IRF1: variants seen among roughly 807,000 people sequenced by gnomAD.
IRF1 encodes interferon regulatory factor 1, also known as interferon regulatory factor-1.
Under a neutral mutation model 43.7 loss-of-function variants are expected in IRF1, and 13 were observed. The ratio of observed to expected loss-of-function variants is 0.30; its 90% CI spans 0.19 to 0.47. The LOEUF (loss-of-function observed/expected upper bound fraction) is 0.47. IRF1 is among the 20% of genes least tolerant of loss of function. The pLI is 0.99. For synonymous variants in IRF1, 138 were observed against 146.8 expected, an observed-to-expected ratio of 0.94 and a Z score of 0.43; for missense variants, 236 against 408.9, an observed-to-expected ratio of 0.58 and a Z score of 3.65.
chr5:132,485,645 C>T, intron 8 of IRF1, 22 bp downstream of exon 8: 4 of 1,586,642 alleles, frequency 2.5e-6, no homozygotes, highest in Non-Finnish European at 3.5e-6. Flanking sequence ...TTCAAGAGTG[C>T]CCAGGTAGGA....
chr5:132,487,850 A>C, intron 3 of IRF1, 76 bp downstream of exon 3: 30 of 953,722 alleles, frequency 3.1e-5, no homozygotes, highest in Non-Finnish European at 4.9e-5. Flanking sequence ...ACCCCAGTGA[A>C]GAGCCTCTGT....
chr5:132,486,821 C>G lies in IRF1; in HGVS notation c.388G>C (p.Asp130His). The G allele has an allele frequency of 6.2e-7, 1 of 1,614,240 alleles. No homozygotes were observed. Among genetic ancestry groups the G allele is most frequent in the Non-Finnish European group, 8.5e-7 (1 of 1,180,040 alleles). Residue 130 changes from aspartate to histidine, a missense_variant, in exon 5 of 10, where the codon GAT becomes CAT. By Grantham distance (81) the Asp-to-His change is moderately conservative (BLOSUM62 -1). This residue lies in a region of IRF1 where 170 missense variants were observed against 251.8 expected (regional missense o/e 0.68). Coordinates refer to ENST00000245414, the MANE Select transcript of IRF1 (RefSeq NM_002198.3). ...TTCCTCTTGGCCTTGCTCTTAGCAT[C>G]TCGGCTGGACTTCGACTTTCTTTCT... ...RKERKSKSSR[D>H]AKSKAKRKSC...
rs975999136 is a variant in IRF1 at position 132,483,575 on chromosome 5, G to T, written c.*376C>A. 1.0e-5 allele frequency: 2 copies of T among 199,124 alleles called. No individual in the cohort carries two copies. The highest frequency in any genetic ancestry group is 2.6e-4 in the East Asian group (2 of 7,624). The allele number at this position is 199,124 out of a possible 1,614,324, so 12.3% of individuals were successfully genotyped here. A position where few individuals can be genotyped will look rare whatever the true frequency, so the allele number is the denominator to read the frequency against. ...TAGTGCAGAGCCAGCCCTGGGATTG[G>T]TGTTATGCTTTTCTGGGGTCACTGG... On this transcript the variant is annotated 3_prime_UTR_variant, in exon 10 of 10. Coordinates refer to ENST00000245414, the MANE Select transcript of IRF1 (RefSeq NM_002198.3).
rs17848431 is a variant in IRF1 at position 132,483,442 on chromosome 5, A to T, written c.*509T>A. ...TGAGGCTGAGGGAGCATCGCCCCGAAGGACCCCACTTTCCTTCACATTTCA... is the reference window on the plus strand; with the variant it reads ...TGAGGCTGAGGGAGCATCGCCCCGATGGACCCCACTTTCCTTCACATTTCA... On this transcript the variant is annotated 3_prime_UTR_variant, in exon 10 of 10. Coordinates refer to ENST00000245414, the MANE Select transcript of IRF1 (RefSeq NM_002198.3). The T allele has an allele frequency of 3.9e-5, 6 of 153,748 alleles. No individual in the cohort carries two copies. Among genetic ancestry groups the T allele is most frequent in the African/African-American group, 1.4e-4 (6 of 41,478 alleles). 9.5% of individuals were successfully genotyped at this position (153,748 alleles called of 1,614,324 possible).
At chr5:132,488,187 G>C (rs957334749) in intron 2 of IRF1, 162 bp from the exon 3 acceptor site, 1 of 611,828 alleles carries the variant, frequency 1.6e-6, no homozygotes, top group Non-Finnish European at 2.9e-6. Flanking sequence ...CTTGAGGCTG[G>C]CTTAAACAGA....
intron 8 of IRF1, 100 bp from the exon 9 acceptor site, chr5:132,484,597 C>G: frequency 6.8e-7 from 1 of 1,463,680 alleles, no homozygotes; most frequent in East Asian, 2.3e-5. Context: ...CAGTATCACA[C>G]CCTTGGCCAT....
intron 2 of IRF1, chr5:132,489,115 GAGC>G (rs1754631319): frequency 2.6e-6 from 1 of 388,476 alleles, no homozygotes; most frequent in African/African-American, 2.0e-5. Flanking sequence ...GCTTAGAGGA[GAGC>G]AGAACTCCAG....
chr5:132,485,828 GACACAC>G, intron 7 of IRF1, 112 bp from the exon 8 acceptor site: 3 of 555,548 alleles, frequency 5.4e-6, no homozygotes, highest in Non-Finnish European at 9.8e-6. Flanking sequence ...CTGTCTCTCT[GACACAC>G]ACACACACAC....
Position 132,486,674 on chromosome 5 carries a change from A to C in IRF1, c.427T>G (p.Ser143Ala). 1 of 1,614,024 alleles carries C rather than the reference A, an allele frequency of 6.2e-7. No individual in the cohort carries two copies. The highest frequency in any genetic ancestry group is 8.5e-7 in the Non-Finnish European group (1 of 1,179,900). ...SKAKRKSCGD[S>A]SPDTFSDGLS... is the part of the protein sequence containing the mutation. The stretch of plus-strand genomic sequence containing the variant: ...CCATCAGAGAAGGTATCAGGGCTGG[A>C]ATCCCCACATGACTGTCGAGGGAGA... Residue 143 changes from serine (S) to alanine (A), a missense_variant, in exon 6 of 10, where the codon TCC becomes GCC. Ser to Ala is a moderately conservative substitution (Grantham distance 99). Around this residue, in one of 2 missense-constraint regions of IRF1, gnomAD observed 170 missense variants for 251.8 expected, o/e 0.68. Coordinates refer to ENST00000245414, the MANE Select transcript of IRF1 (RefSeq NM_002198.3).
chr5:132,487,945 C>T lies in IRF1; in HGVS notation c.168G>A (p.Arg56=). ...WDINKDACLF[R]SWAIHTGRYK... ...ACACACCTGTGTGAATGGCCCAGCT[C>T]CGGAACAAACAGGCATCCTTGTTGA... The change falls in exon 3 of 10, where the codon CGG becomes CGA. Residue 56 remains arginine, a synonymous_variant. Coordinates refer to ENST00000245414, the MANE Select transcript of IRF1 (RefSeq NM_002198.3). 1.9e-6 allele frequency: 3 copies of T among 1,613,558 alleles called. No homozygotes were observed. Among genetic ancestry groups the T allele is most frequent in the South Asian group, 1.1e-5 (1 of 91,088 alleles).
intron 2 of IRF1, 21 bp from the exon 3 acceptor site, chr5:132,488,046 C>CATAA (rs1394515793): frequency 1.3e-6 from 2 of 1,552,310 alleles, no homozygotes; most frequent in Non-Finnish European, 1.8e-6. Context: ...CACACATACA[C>CATAA]ATAAGGCTGT....
rs747666982 is a variant in IRF1 at position 132,486,549 on chromosome 5, C to A, written c.544+8G>T. 1.9e-6 allele frequency: 3 copies of A among 1,613,824 alleles called. No homozygotes were observed. The highest frequency in any genetic ancestry group is 2.5e-6 in the Non-Finnish European group (3 of 1,179,948). Reference sequence around the variant, plus strand: ...GTGGGGTCTCCTGCCAGACCTGGACCAGCTCACCTGGAGTCAGGGCCTGCT... The same window carrying A: ...GTGGGGTCTCCTGCCAGACCTGGACAAGCTCACCTGGAGTCAGGGCCTGCT... On this transcript the variant is annotated splice_region_variant and intron_variant, in intron 6 of 9. Transcript: ENST00000245414.
intron 8 of IRF1, chr5:132,485,447 C>CT: frequency 1.7e-6 from 1 of 587,770 alleles, no homozygotes; most frequent in Non-Finnish European, 3.1e-6. Context: ...CCAAGGCTTG[C>CT]TTCAGGACGG....
rs111906639 is a variant in IRF1 at position 132,485,849 on chromosome 5, A to ACACACACACACACACACACACACACAC, written c.668-134_668-133insGTGTGTGTGTGTGTGTGTGTGTGTGTG. ...CTCTGACACACACACACACACACAC[A>ACACACACACACACACACACACACACAC]CCCTCCCGGTGGACCTATCTGCCAT... On this transcript the variant is annotated intron_variant, in intron 7 of 9. Coordinates refer to ENST00000245414, the MANE Select transcript of IRF1 (RefSeq NM_002198.3). 434 of 669,890 alleles carry ACACACACACACACACACACACACACAC rather than the reference A, an allele frequency of 6.5e-4. 7 individuals are homozygous for ACACACACACACACACACACACACACAC. In the African/African-American group the frequency reaches 7.0e-3, roughly 11 times the overall value. The allele number at this position is 669,890 out of a possible 1,614,324, so 41.5% of individuals were successfully genotyped here. A position where few individuals can be genotyped will look rare whatever the true frequency, so the allele number is the denominator to read the frequency against.
chr5:132,485,928 G>A (rs1416527842), intron 7 of IRF1: 1 of 606,084 alleles, frequency 1.6e-6, no homozygotes, highest in Admixed American at 2.8e-5. Flanking sequence ...AAACCCTGAA[G>A]CCACGCCGCT....
rs760419085 is a variant in IRF1 at position 132,487,165 on chromosome 5, C to T, written c.188-35G>A. 1.2e-5 allele frequency: 19 copies of T among 1,605,648 alleles called. No homozygotes were observed. In the South Asian group the frequency reaches 1.8e-4, roughly 15 times the overall value. ...AGGAGAAAAAAGAGGATCGTCAGGGCCATGGGTAGGGATCCTCAGCTGCCC... is the reference window on the plus strand; with the variant it reads ...AGGAGAAAAAAGAGGATCGTCAGGGTCATGGGTAGGGATCCTCAGCTGCCC... On this transcript the variant is annotated intron_variant, in intron 3 of 9. Coordinates refer to ENST00000245414, the MANE Select transcript of IRF1 (RefSeq NM_002198.3).
rs1411359268 is a variant in IRF1, at chr5:132,481,692, A to G, written c.*2259T>C. The stretch of plus-strand genomic sequence containing the variant: ...GCCACATTTCAAGTGCTTAGCTGGC[A>G]CATGTGGCTAGTGCCAGTGCCTACT... On this transcript the variant is annotated 3_prime_UTR_variant, in exon 10 of 10. Coordinates refer to ENST00000245414, the MANE Select transcript of IRF1 (RefSeq NM_002198.3). 3 of 152,292 alleles carry G rather than the reference A, an allele frequency of 2.0e-5. No homozygotes were observed. Among genetic ancestry groups the G allele is most frequent in the East Asian group, 3.8e-4 (2 of 5,206 alleles). 9.4% of individuals were successfully genotyped at this position (152,292 alleles called of 1,614,324 possible).
chr5:132,483,595 C>T lies in IRF1; in HGVS notation c.*356G>A, dbSNP rs1754444044. The T allele has an allele frequency of 4.5e-6, 1 of 224,120 alleles. No homozygotes were observed. Among genetic ancestry groups the T allele is most frequent in the Admixed American group, 5.4e-5 (1 of 18,436 alleles). 13.9% of individuals were successfully genotyped at this position (224,120 alleles called of 1,614,324 possible). A position where few individuals can be genotyped will look rare whatever the true frequency, so the allele number is the denominator to read the frequency against. ...GATTGGTGTTATGCTTTTCTGGGGT[C>T]ACTGGTCTGTTCCCCTAGGAGCCAG... is the stretch of plus-strand genomic sequence containing the variant. On this transcript the variant is annotated 3_prime_UTR_variant, in exon 10 of 10. Transcript: ENST00000245414.
Position 132,490,769 on chromosome 5 carries a change from G to C in IRF1, c.-230C>G, listed in dbSNP as rs1409953430. On this transcript the variant is annotated 5_prime_UTR_variant, in exon 1 of 10. Transcript: ENST00000245414. This position sits in a 1 kb window ranked among gnomAD's most constrained non-coding sequence, Gnocchi z 5.8. ...TCTTGCCTCGACTAAGGAGTGGCGA[G>C]CTCTGCCAGGGCAGCGGCGCCACCG... 2 of 152,262 alleles carry C rather than the reference G, an allele frequency of 1.3e-5. No individual in the cohort carries two copies. Among genetic ancestry groups the C allele is most frequent in the Admixed American group, 1.3e-4 (2 of 15,290 alleles). 9.4% of individuals were successfully genotyped at this position (152,262 alleles called of 1,614,324 possible).
Sources: allele counts gnomAD v4.1 joint callset, GRCh38; gene constraint gnomAD v4.1.1; regional missense constraint gnomAD v4.1.1; non-coding constraint Gnocchi (gnomAD v3.1); transcripts MANE v1.5; gene names NCBI Gene and HGNC (gene_info 2026-07-23, HGNC 2026-07-21).